UBE3D: variants seen among roughly 807,000 people sequenced by gnomAD.
The protein encoded by UBE3D is E3 ubiquitin-protein ligase E3D.
Under a neutral mutation model 49.6 loss-of-function variants are expected in UBE3D, and 48 were observed. The observed-to-expected ratio is 0.97, with a 90% CI of 0.77 to 1.23. The LOEUF (loss-of-function observed/expected upper bound fraction) is 1.23. UBE3D is among the 50% of genes most tolerant of loss of function. UBE3D has a pLI of 0.00. For synonymous variants in UBE3D, 189 were observed against 174.2 expected, an observed-to-expected ratio of 1.08 and a Z score of -0.67; for missense variants, 452 against 468.4, an observed-to-expected ratio of 0.96 and a Z score of 0.32.
intron 8 of UBE3D, among the ~76,000 whole-genome samples, chr6:82,998,073 C>T (rs1261511493): frequency 1.3e-5 from 2 of 152,192 alleles, no homozygotes; most frequent in African/African-American, 4.8e-5. Flanking sequence ...CCATGGAGGA[C>T]AGTGCTATTG....
At chr6:82,887,109 G>A in the UBE3D span, among the ~76,000 whole-genome samples, 1 of 151,748 alleles carries the variant, frequency 6.6e-6, no homozygotes, top group Non-Finnish European at 1.5e-5. Context: ...TTCAAGACCA[G>A]CCTGGCCAAC....
chr6:83,012,256 C>A (rs930866537), intron 8 of UBE3D, among the ~76,000 whole-genome samples: 2 of 152,186 alleles, frequency 1.3e-5, no homozygotes, highest in Non-Finnish European at 2.9e-5. Flanking sequence ...AGTGTCTGTT[C>A]CACTGAGGAC....
chr6:82,955,886 G>A (rs1351273737), intron 9 of UBE3D, among the ~76,000 whole-genome samples: 4 of 152,176 alleles, frequency 2.6e-5, no homozygotes, highest in Non-Finnish European at 5.9e-5. Context: ...AAAATGAGAA[G>A]ATGTTCTTTA....
intron 8 of UBE3D, among the ~76,000 whole-genome samples, chr6:82,973,532 G>T (rs752122257): frequency 6.6e-6 from 1 of 151,214 alleles, no homozygotes; most frequent in African/African-American, 2.4e-5. Context: ...TGAAACTTCC[G>T]AAGGCCACTA....
At chr6:82,993,476 T>C (rs911180379) in intron 8 of UBE3D, among the ~76,000 whole-genome samples, 1 of 152,218 alleles carries the variant, frequency 6.6e-6, no homozygotes, top group Non-Finnish European at 1.5e-5. Context: ...GACATAGTAT[T>C]TGGATTAACC....
At chr6:82,983,398 C>G (rs1778245343) in intron 8 of UBE3D, among the ~76,000 whole-genome samples, 1 of 151,530 alleles carries the variant, frequency 6.6e-6, no homozygotes, top group Non-Finnish European at 1.5e-5. Flanking sequence ...ATGCTACATC[C>G]TGAGATCTAC....
At chr6:82,887,394 T>TGTTTTGTTTTGTTTTGTTTTGTTTTG (rs764187205), downstream of UBE3D, among the ~76,000 whole-genome samples, 1 of 131,414 alleles carries the variant, frequency 7.6e-6, no homozygotes, top group Non-Finnish European at 1.6e-5. Flanking sequence ...TAACAGTTTT[T>TGTTTTGTTTTGTTTTGTTTTGTTTTG]TTTTTTTTTT....
chr6:83,065,790 G>A lies in UBE3D; in HGVS notation c.-72C>T, dbSNP rs374734142. The A allele has an allele frequency of 6.8e-7, 1 of 1,477,256 alleles. No homozygotes were observed. The highest frequency in any genetic ancestry group is 2.5e-5 in the East Asian group (1 of 40,348). 91.5% of individuals were successfully genotyped at this position (1,477,256 alleles called of 1,614,324 possible). A position where few individuals can be genotyped will look rare whatever the true frequency, so the allele number is the denominator to read the frequency against. On this transcript the variant is annotated 5_prime_UTR_variant, in exon 1 of 10. Coordinates refer to ENST00000369747, the MANE Select transcript of UBE3D (RefSeq NM_198920.3). ...GCCCGGGTCAACAGGACCAGGAGAG[G>A]TTCCACGTGCGGACCAACCAGCGGC...
rs561674683 is a variant in UBE3D at position 82,976,019 on chromosome 6, G to A, written c.1011-18569C>T. Reference sequence around the variant, plus strand: ...GATGTTAATAGAACCAGGAAAAAATGTTTTTTAAGTGCCAGGAAAAAAGCT... The same window carrying A: ...GATGTTAATAGAACCAGGAAAAAATATTTTTTAAGTGCCAGGAAAAAAGCT... On this transcript the variant is annotated intron_variant, in intron 8 of 9. Coordinates refer to ENST00000369747, the MANE Select transcript of UBE3D (RefSeq NM_198920.3). Among the ~76,000 whole-genome samples the A allele has an allele frequency of 3.3e-5, 5 of 152,256 alleles. No individual in the cohort carries two copies. In the East Asian group the frequency reaches 5.8e-4, roughly 18 times the overall value.
At chr6:83,047,229 C>A in intron 3 of UBE3D, among the ~76,000 whole-genome samples, 1 of 152,210 alleles carries the variant, frequency 6.6e-6, no homozygotes, top group East Asian at 1.9e-4. Context: ...CAGGTAAGAG[C>A]TTAGGCATCC....
intron 8 of UBE3D, among the ~76,000 whole-genome samples, chr6:82,963,190 CTTTT>C (rs5877828): frequency 2.4e-5 from 3 of 123,100 alleles, no homozygotes; most frequent in Non-Finnish European, 5.1e-5. Flanking sequence ...AAGTTTTCAT[CTTTT>C]TTTTTTTTTT....
rs1032092948 is a variant in UBE3D at position 82,915,320 on chromosome 6, C to A, written c.1150-22278G>T. On this transcript the variant is annotated intron_variant, in intron 9 of 9. Transcript: ENST00000369747. ...GAGATCACAGAAAAAATAGTTATAACAGCAGCAGCTAGCAGGAATATTTTG... is the reference window on the plus strand; with the variant it reads ...GAGATCACAGAAAAAATAGTTATAAAAGCAGCAGCTAGCAGGAATATTTTG... Among the ~76,000 whole-genome samples the A allele has an allele frequency of 6.6e-5, 10 of 152,104 alleles. 1 individual carries two copies. The highest frequency in any genetic ancestry group is 2.6e-4 in the Admixed American group (4 of 15,266).
Position 83,044,741 on chromosome 6 carries a change from A to G in UBE3D, c.366-82T>C, listed in dbSNP as rs1204821288. On this transcript the variant is annotated intron_variant, in intron 3 of 9. Transcript: ENST00000369747. The stretch of plus-strand genomic sequence containing the variant: ...TAATTAAATGACCATAAAAGATGAA[A>G]GAAACTCATTAACCACAAGGTTTGC... 8 of 1,176,484 alleles carry G rather than the reference A, an allele frequency of 6.8e-6. No homozygotes were observed. In the East Asian group the frequency reaches 1.9e-4, roughly 28 times the overall value. 72.9% of individuals were successfully genotyped at this position (1,176,484 alleles called of 1,614,324 possible).
At chr6:82,915,956 C>G (rs567695073) in intron 9 of UBE3D, among the ~76,000 whole-genome samples, 2 of 152,202 alleles carry the variant, frequency 1.3e-5, no homozygotes, top group East Asian at 3.9e-4. Context: ...CAACAGAGCA[C>G]TGGGCTGGGA....
rs1405355246 is a variant in UBE3D at position 82,904,974 on chromosome 6, G to A, written c.1150-11932C>T. Among the ~76,000 whole-genome samples, 4 of 152,132 alleles carry A rather than the reference G, an allele frequency of 2.6e-5. No individual in the cohort carries two copies. In the East Asian group the frequency reaches 5.8e-4, roughly 22 times the overall value. The stretch of plus-strand genomic sequence containing the variant: ...GGCCACTGGCTGGATTGTGTAGGGG[G>A]CGTCTAAAGGTTTGTAATGGGCAAC... On this transcript the variant is annotated intron_variant, in intron 9 of 9. Transcript: ENST00000369747.
At chr6:82,997,442 G>A (rs902023897) in intron 8 of UBE3D, among the ~76,000 whole-genome samples, 6 of 152,170 alleles carry the variant, frequency 3.9e-5, no homozygotes, top group African/African-American at 9.7e-5. Flanking sequence ...AAACGTGCCC[G>A]GGTGCAGTGG....
intron 4 of UBE3D, among the ~76,000 whole-genome samples, chr6:83,042,153 C>T (rs1217027897): frequency 6.6e-6 from 1 of 152,162 alleles, no homozygotes; most frequent in African/African-American, 2.4e-5. Context: ...CATGATCCAC[C>T]CGCCTCAACC....
At chr6:82,908,971 C>A (rs1268110384) in intron 9 of UBE3D, among the ~76,000 whole-genome samples, 4 of 152,254 alleles carry the variant, frequency 2.6e-5, no homozygotes, top group African/African-American at 4.8e-5. Flanking sequence ...TTTCACTTGC[C>A]CCTCTCTGTA....
chr6:83,039,018 T>C (rs192599059), intron 4 of UBE3D, among the ~76,000 whole-genome samples: 1 of 152,356 alleles, frequency 6.6e-6, no homozygotes, highest in East Asian at 1.9e-4. Flanking sequence ...GGATCGGCAC[T>C]GTAACTGGAA....
Sources: gnomAD v4.1 joint callset for allele counts (sites outside exome capture counted in the v4.1 genomes callset) on GRCh38, gnomAD v4.1.1 for gene constraint, MANE v1.5 for transcripts, NCBI Gene and HGNC (gene_info 2026-07-23, HGNC 2026-07-21) for gene names.